The following FTCDNL1 variants were observed in gnomAD, a reference collection of about 807,000 sequenced individuals.
FTCDNL1 encodes the protein formiminotransferase N-terminal subdomain-containing protein.
FTCDNL1 carries 11 observed loss-of-function variants against 5.9 expected under a neutral mutation model. The ratio of observed to expected loss-of-function variants is 1.87; its 90% CI spans 1.18 to 3.10. The LOEUF (loss-of-function observed/expected upper bound fraction) is 3.10, where lower values mean the gene tolerates loss of function less well. Ranked by LOEUF, FTCDNL1 falls within the 30% of genes most tolerant of loss-of-function variation. FTCDNL1 has a pLI of 0.00. For missense variants in FTCDNL1, 115 were observed against 65.5 expected (o/e 1.76, Z -2.61); for synonymous variants, 58 against 24.8 (o/e 2.34, Z -3.99).
downstream of FTCDNL1, among the ~76,000 whole-genome samples, chr2:199,807,467 G>C (rs889347295): frequency 4.8e-5 from 6 of 126,228 alleles, no homozygotes; most frequent in Non-Finnish European, 1.1e-4. Context: ...GTGAAACCCT[G>C]TTTCTACTGG....
At chr2:199,731,939 A>G in the FTCDNL1 span, among the ~76,000 whole-genome samples, 1 of 151,900 alleles carries the variant, frequency 6.6e-6, no homozygotes, top group African/African-American at 2.4e-5. Flanking sequence ...GCTCTGTGCT[A>G]TCAGATAAGA....
the FTCDNL1 span, among the ~76,000 whole-genome samples, chr2:199,678,750 T>C: frequency 6.6e-6 from 1 of 152,142 alleles, no homozygotes; most frequent in African/African-American, 2.4e-5. Context: ...CATTTTATTG[T>C]AGTTCTTGAT....
the FTCDNL1 span, among the ~76,000 whole-genome samples, chr2:199,669,251 C>A: frequency 6.6e-6 from 1 of 151,944 alleles, no homozygotes; most frequent in Non-Finnish European, 1.5e-5. Context: ...TTCAGCTGAA[C>A]CAATTCAGAA....
chr2:199,845,694 C>A (rs1208075828), intron 3 of FTCDNL1, among the ~76,000 whole-genome samples: 2 of 152,104 alleles, frequency 1.3e-5, no homozygotes, highest in African/African-American at 4.8e-5. Flanking sequence ...AAGCTCCCAA[C>A]CCAGAATGCA....
chr2:199,794,422 C>T (rs1209003075), intron 3 of FTCDNL1, among the ~76,000 whole-genome samples: 2 of 152,182 alleles, frequency 1.3e-5, no homozygotes, highest in African/African-American at 4.8e-5. Flanking sequence ...AGCTAATAAC[C>T]ACGTTTCTAC....
At chr2:199,797,393 T>C (rs1700224677) in intron 3 of FTCDNL1, among the ~76,000 whole-genome samples, 1 of 152,190 alleles carries the variant, frequency 6.6e-6, no homozygotes, top group Non-Finnish European at 1.5e-5. Context: ...GTCTTAATTC[T>C]TTTTTTATTT....
the FTCDNL1 span, among the ~76,000 whole-genome samples, chr2:199,665,878 T>A: frequency 4.4e-5 from 4 of 90,706 alleles, no homozygotes; most frequent in South Asian, 1.9e-3. Flanking sequence ...CATAACTAAC[T>A]AATGTTTAGA....
At chr2:199,805,421 G>A (rs938953042), downstream of FTCDNL1, among the ~76,000 whole-genome samples, 1 of 151,994 alleles carries the variant, frequency 6.6e-6, no homozygotes. Context: ...ACATAGCAAG[G>A]TCCTGTGTCT....
At chr2:199,724,840 C>A in the FTCDNL1 span, among the ~76,000 whole-genome samples, 2 of 151,714 alleles carry the variant, frequency 1.3e-5, no homozygotes, top group Non-Finnish European at 2.9e-5. Context: ...CATGTAGCAC[C>A]GAGAAGAATG....
intron 3 of FTCDNL1, among the ~76,000 whole-genome samples, chr2:199,803,349 A>T (rs1700561891): frequency 6.6e-6 from 1 of 152,132 alleles, no homozygotes; most frequent in African/African-American, 2.4e-5. Context: ...AACTGGATGT[A>T]CAATTTCGAA....
the FTCDNL1 span, among the ~76,000 whole-genome samples, chr2:199,711,690 G>T: frequency 6.6e-6 from 1 of 152,064 alleles, no homozygotes; most frequent in Non-Finnish European, 1.5e-5. Flanking sequence ...GCTTTTAAAG[G>T]GACTGTTGAA....
chr2:199,664,236 T>C, the FTCDNL1 span, among the ~76,000 whole-genome samples: 1 of 152,208 alleles, frequency 6.6e-6, no homozygotes, highest in African/African-American at 2.4e-5. Flanking sequence ...GAACCCCAAA[T>C]GGGCTTTGCC....
chr2:199,694,400 C>A, the FTCDNL1 span, among the ~76,000 whole-genome samples: 1 of 152,172 alleles, frequency 6.6e-6, no homozygotes, highest in Admixed American at 6.5e-5. Flanking sequence ...TGTGCACAAC[C>A]AGGTTTCAAG....
chr2:199,714,999 C>G, the FTCDNL1 span, among the ~76,000 whole-genome samples: 1 of 151,636 alleles, frequency 6.6e-6, no homozygotes, highest in Admixed American at 6.6e-5. Context: ...TGTTAAATGA[C>G]AAGTTACTGG....
chr2:199,844,642 A>C, intron 3 of FTCDNL1: 1 of 422,650 alleles, frequency 2.4e-6, no homozygotes, highest in East Asian at 3.5e-5. Context: ...ATCTGTGTAG[A>C]AGATTTTTTG....
intron 3 of FTCDNL1, among the ~76,000 whole-genome samples, chr2:199,761,612 A>ACCC (rs1698276734): frequency 1.3e-5 from 2 of 152,142 alleles, no homozygotes; most frequent in Admixed American, 1.3e-4. Context: ...TATGAGCCTA[A>ACCC]CCCAGGAGCC....
chr2:199,817,111 C>G (rs569289856), intron 4 of FTCDNL1, among the ~76,000 whole-genome samples: 3 of 152,142 alleles, frequency 2.0e-5, no homozygotes, highest in Non-Finnish European at 4.4e-5. Context: ...TAAACATACC[C>G]AAATAGCAAA....
At chr2:199,822,776 G>A (rs548589033) in intron 3 of FTCDNL1, among the ~76,000 whole-genome samples, 2 of 152,336 alleles carry the variant, frequency 1.3e-5, no homozygotes, top group African/African-American at 2.4e-5. Context: ...ATCACCAGGA[G>A]TAGATTCCAC....
intron 3 of FTCDNL1, among the ~76,000 whole-genome samples, chr2:199,779,030 G>A (rs1028305253): frequency 6.6e-6 from 1 of 152,062 alleles, no homozygotes; most frequent in Non-Finnish European, 1.5e-5. Flanking sequence ...AGATTTGCTC[G>A]GTCTTAAAAT....
Sources: gnomAD v4.1 joint callset for allele counts (sites outside exome capture counted in the v4.1 genomes callset) on GRCh38, gnomAD v4.1.1 for gene constraint, MANE v1.5 for transcripts, NCBI Gene and HGNC (gene_info 2026-07-23, HGNC 2026-07-21) for gene names.